The following TRMT6 variants were observed in gnomAD, a reference collection of about 807,000 sequenced individuals.
TRMT6 encodes the protein tRNA (adenine(58)-N(1))-methyltransferase non-catalytic subunit TRM6.
In TRMT6, 34 loss-of-function variants were observed where a neutral mutation model predicts 59.0. The observed-to-expected ratio is 0.58, with a 90% CI of 0.44 to 0.77. The LOEUF (loss-of-function observed/expected upper bound fraction) is 0.77, where lower values mean the gene tolerates loss of function less well. Ranked by LOEUF, TRMT6 falls within the 30% of genes least tolerant of loss-of-function variation. The pLI, the probability that TRMT6 is intolerant of heterozygous loss-of-function variation, is 0.00. For synonymous variants in TRMT6, 217 were observed against 210.5 expected, an observed-to-expected ratio of 1.03 and a Z score of -0.27; for missense variants, 575 against 604.5, an observed-to-expected ratio of 0.95 and a Z score of 0.51.
intron 2 of TRMT6, among the ~76,000 whole-genome samples, chr20:5,945,742 T>C (rs1283417190): frequency 6.6e-6 from 1 of 152,246 alleles, no homozygotes; most frequent in East Asian, 1.9e-4. Context: ...ACTTGTGTTT[T>C]AATTAATAAG....
At chr20:5,945,163 C>CATCT in intron 2 of TRMT6, among the ~76,000 whole-genome samples, 1 of 152,348 alleles carries the variant, frequency 6.6e-6, no homozygotes, top group East Asian at 1.9e-4. Context: ...CAATTTGACT[C>CATCT]ATCTACCCCA....
At chr20:5,945,251 G>C (rs2088696056) in intron 2 of TRMT6, among the ~76,000 whole-genome samples, 1 of 152,190 alleles carries the variant, frequency 6.6e-6, no homozygotes, top group Admixed American at 6.5e-5. Context: ...TAAATGATCT[G>C]GCCCCTGCCT....
At chr20:5,945,211 A>G (rs2088695829) in intron 2 of TRMT6, among the ~76,000 whole-genome samples, 1 of 152,242 alleles carries the variant, frequency 6.6e-6, no homozygotes, top group South Asian at 2.1e-4. Context: ...TAGCAATAAG[A>G]ATACACTCCA....
At position 5,943,542 on chromosome 20, in the gene TRMT6, GA is replaced by G. The variant is rs1243029954; in HGVS notation, c.667+16del. 1 of 1,612,982 alleles carries G rather than the reference GA, an allele frequency of 6.2e-7. No homozygotes were observed. Among genetic ancestry groups the G allele is most frequent in the Admixed American group, 1.7e-5 (1 of 59,746 alleles). On this transcript the variant is annotated intron_variant, in intron 6 of 10. Coordinates refer to ENST00000203001, the MANE Select transcript of TRMT6 (RefSeq NM_015939.5). Reference sequence around the variant, plus strand: ...TCAGGGTGGGGTTTTGTTGAAAATGGAAATATTAAATCTTACCTCCCATTCG... The same window carrying G: ...TCAGGGTGGGGTTTTGTTGAAAATGGAATATTAAATCTTACCTCCCATTCG...
intron 6 of TRMT6, among the ~76,000 whole-genome samples, chr20:5,943,140 G>A (rs1447255811): frequency 6.6e-6 from 1 of 152,160 alleles, no homozygotes; most frequent in East Asian, 1.9e-4. Flanking sequence ...CTTCTATGGG[G>A]TCAGAAAAAA....
At chr20:5,945,422 T>G (rs141243889) in intron 2 of TRMT6, among the ~76,000 whole-genome samples, 1 of 152,354 alleles carries the variant, frequency 6.6e-6, no homozygotes, top group East Asian at 1.9e-4. Flanking sequence ...CTGGATCCTT[T>G]CTATCACTTG....
At position 5,943,581 on chromosome 20, in the gene TRMT6, A is replaced by T; in HGVS notation, c.645T>A (p.Gly215=). Residue 215 remains glycine, a synonymous_variant, in exon 6 of 11, where the codon GGT becomes GGA. Transcript: ENST00000203001. ...TACCTCCCATTCGTTCCATCATTGC[A>T]CCCAGCACCAAGCCTGCACACGTTT... The part of the protein sequence containing the change: ...VMETCAGLVL[G]AMMERMGGFG... 1 of 1,614,172 alleles carries T rather than the reference A, an allele frequency of 6.2e-7. No individual in the cohort carries two copies. The highest frequency in any genetic ancestry group is 8.5e-7 in the Non-Finnish European group (1 of 1,180,028).
Position 5,942,563 on chromosome 20 carries a change from A to C in TRMT6, c.891T>G (p.Ala297=). The change falls in exon 7 of 11, where the codon GCT becomes GCG. Residue 297 remains alanine, a synonymous_variant. Transcript: ENST00000203001. ...ESNGTLEEKQ[A]SEQENEDSMA... is the part of the protein sequence containing the mutation. ...TGCTGTCTTCATTCTCTTGTTCAGA[A>C]GCCTGTTTTTCCTCCAGTGTGCCAT... The C allele has an allele frequency of 6.2e-7, 1 of 1,613,892 alleles. No individual in the cohort carries two copies. The highest frequency in any genetic ancestry group is 8.5e-7 in the Non-Finnish European group (1 of 1,179,934).
rs1254691029 is a variant in TRMT6 at position 5,941,897 on chromosome 20, T to C, written c.1112+54A>G. 5 of 1,436,228 alleles carry C rather than the reference T, an allele frequency of 3.5e-6. No individual in the cohort carries two copies. The African/African-American group carries it at 4.2e-5, about 12-fold the overall frequency. The allele number at this position is 1,436,228 out of a possible 1,614,324, so 89.0% of individuals were successfully genotyped here. The stretch of plus-strand genomic sequence containing the variant: ...AGGAGAAAGAGAATGCCAATCTGTC[T>C]GAAGCAGAGCCCACATGCACTGAGG... On this transcript the variant is annotated intron_variant, in intron 8 of 10. Coordinates refer to ENST00000203001, the MANE Select transcript of TRMT6 (RefSeq NM_015939.5).
chr20:5,949,376 G>A (rs1410837310), intron 1 of TRMT6, among the ~76,000 whole-genome samples: 1 of 152,032 alleles, frequency 6.6e-6, no homozygotes, highest in African/African-American at 2.4e-5. Context: ...CAAAAACACT[G>A]TGGTTGTATT....
intron 2 of TRMT6, 40 bp downstream of exon 2, chr20:5,946,366 C>T: frequency 1.2e-6 from 2 of 1,613,356 alleles, no homozygotes; most frequent in Non-Finnish European, 1.7e-6. Flanking sequence ...TCTGACTAGT[C>T]AGTTGGAGAG....
Position 5,943,984 on chromosome 20 carries a change from G to T in TRMT6, c.506C>A (p.Ser169Ter). ...TVVKPSTRIL[S>*]IMYYAREPGK... Reference sequence around the variant, plus strand: ...AGGTTCTCTTGCATAATACATAATTGAAAGAATACGGGTGGATGGCTTCAC... The same window carrying T: ...AGGTTCTCTTGCATAATACATAATTTAAAGAATACGGGTGGATGGCTTCAC... The change falls in exon 5 of 11, where the codon TCA (serine) becomes TAA (stop). Residue 169 changes from serine (S) to a stop codon, truncating the protein, a stop_gained. Transcript: ENST00000203001. LOFTEE classifies it high-confidence loss of function. The T allele has an allele frequency of 6.2e-7, 1 of 1,610,466 alleles. No individual in the cohort carries two copies. Among genetic ancestry groups the T allele is most frequent in the African/African-American group, 1.3e-5 (1 of 74,894 alleles).
chr20:5,950,087 G>A (rs2088771174), intron 1 of TRMT6, among the ~76,000 whole-genome samples, 191 bp downstream of exon 1: 2 of 152,092 alleles, frequency 1.3e-5, no homozygotes, highest in South Asian at 2.1e-4. Flanking sequence ...AGATTATGAG[G>A]TTCGAAGACG....
At chr20:5,947,231 A>G (rs974516848) in intron 1 of TRMT6, among the ~76,000 whole-genome samples, 1 of 152,216 alleles carries the variant, frequency 6.6e-6, no homozygotes, top group Admixed American at 6.5e-5. Flanking sequence ...CCCAAGCCTC[A>G]TTCTTTCCAC....
chr20:5,949,390 CA>C (rs1456640733), intron 1 of TRMT6, among the ~76,000 whole-genome samples: 1 of 152,060 alleles, frequency 6.6e-6, no homozygotes, highest in Non-Finnish European at 1.5e-5. Flanking sequence ...TTGTATTTCT[CA>C]GATAAATTAA....
intron 6 of TRMT6, among the ~76,000 whole-genome samples, chr20:5,943,237 A>G (rs1035348742): frequency 6.6e-6 from 1 of 152,202 alleles, no homozygotes; most frequent in Non-Finnish European, 1.5e-5. Flanking sequence ...TTTAGGCCCA[A>G]TGAAATGAGC....
chr20:5,947,246 C>T (rs577144331), intron 1 of TRMT6, among the ~76,000 whole-genome samples: 2 of 152,306 alleles, frequency 1.3e-5, no homozygotes, highest in Admixed American at 6.5e-5. Context: ...TTCCACTATA[C>T]CACACGGTCT....
In TRMT6 at chr20:5,941,317, T is replaced by G; in HGVS notation, c.1141A>C (p.Thr381Pro). Residue 381 changes from threonine to proline, a missense_variant, in exon 9 of 11, where the codon ACT (threonine) becomes CCT (proline). Physicochemically the swap from Thr to Pro is conservative, Grantham distance 38. Coordinates refer to ENST00000203001, the MANE Select transcript of TRMT6 (RefSeq NM_015939.5). The stretch of plus-strand genomic sequence containing the variant: ...TCCAGCAAAGACAGCAGCAGGGGAG[T>G]GGGGTGGAAACGACTAGCTACAATT... ...GLIVASRFHPTPLLLSLLDFV... is the reference protein window; with the variant it reads ...GLIVASRFHPPPLLLSLLDFV... 6.2e-7 allele frequency: 1 copy of G among 1,613,350 alleles called. No individual in the cohort carries two copies. Among genetic ancestry groups the G allele is most frequent in the Non-Finnish European group, 8.5e-7 (1 of 1,179,840 alleles).
At chr20:5,947,067 T>A (rs1312148775) in intron 1 of TRMT6, among the ~76,000 whole-genome samples, 1 of 152,168 alleles carries the variant, frequency 6.6e-6, no homozygotes, top group Admixed American at 6.5e-5. Context: ...GTGCGAGGTG[T>A]GATTCACACT....
Sources: gnomAD v4.1 joint callset for allele counts (sites outside exome capture counted in the v4.1 genomes callset) on GRCh38, gnomAD v4.1.1 for gene constraint, MANE v1.5 for transcripts, NCBI Gene and HGNC (gene_info 2026-07-23, HGNC 2026-07-21) for gene names.